The following MTSS1 variants were observed in gnomAD, a reference collection of about 807,000 sequenced individuals.
The protein encoded by MTSS1 is protein MTSS 1.
A neutral mutation model predicts 79.0 loss-of-function variants in MTSS1; 18 were observed. That is an observed-to-expected ratio of 0.23 (90% confidence interval 0.16 to 0.34). The LOEUF is 0.34. MTSS1 is among the 10% of genes least tolerant of loss of function. MTSS1 has a pLI of 1.00. For missense variants in MTSS1, 815 were observed against 986.2 expected, an observed-to-expected ratio of 0.83 and a Z score of 2.33; for synonymous variants, 341 against 368.6, an observed-to-expected ratio of 0.93 and a Z score of 0.86.
rs180777341 is a variant in MTSS1 at position 124,590,348 on chromosome 8, C to A, written c.294-637G>T. Among the ~76,000 whole-genome samples, 19 of 152,322 alleles carry A rather than the reference C, an allele frequency of 1.2e-4. No homozygotes were observed. In the East Asian group the frequency reaches 3.1e-3, roughly 25 times the overall value. On this transcript the variant is annotated intron_variant, in intron 4 of 13. Coordinates refer to ENST00000518547, the MANE Select transcript of MTSS1 (RefSeq NM_014751.6). ...AAGACACCTGGGCCTTATCTCACCC[C>A]CAATGGAGACTTTGAGGGTGGGGCC... is the stretch of plus-strand genomic sequence containing the variant.
intron 3 of MTSS1, among the ~76,000 whole-genome samples, chr8:124,606,177 T>G (rs1360804089): frequency 2.0e-5 from 3 of 148,402 alleles, no homozygotes; most frequent in Admixed American, 6.7e-5. Flanking sequence ...TTTTGTTTTT[T>G]TTTTTTTTTT....
At chr8:124,554,722 G>A (rs532824135) in intron 13 of MTSS1, among the ~76,000 whole-genome samples, 5 of 152,250 alleles carry the variant, frequency 3.3e-5, no homozygotes, top group Middle Eastern at 3.4e-3. Context: ...GAATATGAGC[G>A]AGTTATTGAG....
rs1826468851 is a variant in MTSS1, at chr8:124,683,535, G to C, written c.208+15991C>G. The stretch of plus-strand genomic sequence containing the variant: ...GAAACACAGGTGTCTCTCCAGACTA[G>C]AAAACCTCAACTGGAGGCCAGAGGT... On this transcript the variant is annotated intron_variant, in intron 3 of 13. Coordinates refer to ENST00000518547, the MANE Select transcript of MTSS1 (RefSeq NM_014751.6). This position sits in a 1 kb window ranked among gnomAD's most constrained non-coding sequence, Gnocchi z 4.5. Among the ~76,000 whole-genome samples, 1 of 152,306 alleles carries C rather than the reference G, an allele frequency of 6.6e-6. No homozygotes were observed. The highest frequency in any genetic ancestry group is 2.1e-4 in the South Asian group (1 of 4,834).
intron 10 of MTSS1, 58 bp from the exon 11 acceptor site, chr8:124,557,933 G>A (rs1586783140): frequency 2.2e-6 from 3 of 1,340,360 alleles, no homozygotes; most frequent in East Asian, 2.5e-5. Context: ...AACAGGATGA[G>A]TGCGGAGATA....
At chr8:124,708,131 C>A (rs1443167291) in intron 1 of MTSS1, among the ~76,000 whole-genome samples, 1 of 152,204 alleles carries the variant, frequency 6.6e-6, no homozygotes, top group South Asian at 2.1e-4. Context: ...AAAGATTGCA[C>A]GTACAGAAGC....
intron 11 of MTSS1, 30 bp downstream of exon 11, chr8:124,557,651 G>T (rs769165632): frequency 6.5e-7 from 1 of 1,533,348 alleles, no homozygotes. Flanking sequence ...AGGCAATGAC[G>T]GGGAGAGGAG....
chr8:124,709,080 G>C (rs544688538), intron 1 of MTSS1, among the ~76,000 whole-genome samples: 35 of 152,240 alleles, frequency 2.3e-4, no homozygotes, highest in African/African-American at 8.2e-4. Flanking sequence ...TTCAAGCTTA[G>C]AGGAAGTAAG....
intron 4 of MTSS1, among the ~76,000 whole-genome samples, chr8:124,590,243 T>G (rs753020419): frequency 2.0e-4 from 30 of 152,220 alleles, no homozygotes; most frequent in Admixed American, 3.9e-4. Context: ...GATATTCTAG[T>G]GTTTGTATTA....
chr8:124,645,320 G>A (rs143561449), intron 3 of MTSS1, among the ~76,000 whole-genome samples: 28 of 152,320 alleles, frequency 1.8e-4, no homozygotes, highest in African/African-American at 6.7e-4. Flanking sequence ...TTGAGCCCAA[G>A]AGGTTGCAGT....
chr8:124,585,385 T>C (rs1405784868), intron 5 of MTSS1, among the ~76,000 whole-genome samples: 1 of 151,926 alleles, frequency 6.6e-6, no homozygotes, highest in African/African-American at 2.4e-5. Flanking sequence ...TATTCACTCA[T>C]ACCAGCTTTG....
intron 4 of MTSS1, among the ~76,000 whole-genome samples, chr8:124,590,620 G>C (rs921539703): frequency 6.6e-6 from 1 of 152,180 alleles, no homozygotes; most frequent in African/African-American, 2.4e-5. Context: ...TGATCTGCTT[G>C]GAAAGCAATG....
intron 2 of MTSS1, among the ~76,000 whole-genome samples, chr8:124,701,550 C>T (rs1017342): frequency 0.37 from 55,803 of 152,060 alleles, 10,971 homozygotes; most frequent in East Asian, 0.5. Flanking sequence ...CTTCTTGGGA[C>T]TTATAAATAG....
intron 6 of MTSS1, among the ~76,000 whole-genome samples, chr8:124,578,199 G>A (rs750204483): frequency 1.8e-4 from 27 of 152,252 alleles, no homozygotes; most frequent in Middle Eastern, 3.4e-3. Flanking sequence ...TGAGTAGCCA[G>A]GGGTCACTAT....
chr8:124,609,331 C>A (rs969207524), intron 3 of MTSS1, among the ~76,000 whole-genome samples: 1 of 152,192 alleles, frequency 6.6e-6, no homozygotes, highest in Non-Finnish European at 1.5e-5. Context: ...GAAATGGCAA[C>A]CCCGGTCTAG....
chr8:124,602,504 A>T (rs1834114813), intron 3 of MTSS1, among the ~76,000 whole-genome samples: 1 of 152,018 alleles, frequency 6.6e-6, no homozygotes, highest in South Asian at 2.1e-4. Flanking sequence ...CCGGCCTCAT[A>T]ATGGTTTAAG....
At chr8:124,567,563 A>G in intron 7 of MTSS1, 1 of 1,316,014 alleles carries the variant, frequency 7.6e-7, no homozygotes. Flanking sequence ...CACGACTTGG[A>G]TATATTTTGG....
chr8:124,713,262 G>A (rs566415323), intron 1 of MTSS1, among the ~76,000 whole-genome samples: 4 of 152,266 alleles, frequency 2.6e-5, no homozygotes, highest in East Asian at 1.9e-4. Flanking sequence ...CACCACAACG[G>A]CACCCCTAAG....
At position 124,550,798 on chromosome 8, in the gene MTSS1, G is replaced by A. The variant is rs1822394071; in HGVS notation, c.*2194C>T. 6.6e-6 allele frequency: 1 copy of A among 152,460 alleles called. No homozygotes were observed. Among genetic ancestry groups the A allele is most frequent in the African/African-American group, 2.4e-5 (1 of 41,400 alleles). 9.4% of individuals were successfully genotyped at this position (152,460 alleles called of 1,614,324 possible). A position where few individuals can be genotyped will look rare whatever the true frequency, so the allele number is the denominator to read the frequency against. On this transcript the variant is annotated 3_prime_UTR_variant, in exon 14 of 14. Coordinates refer to ENST00000518547, the MANE Select transcript of MTSS1 (RefSeq NM_014751.6). Reference sequence around the variant, plus strand: ...AAATACAGGACTTTTTTAATCTAGTGGTTCTTTATTTATAACGTAGGCTGA... The same window carrying A: ...AAATACAGGACTTTTTTAATCTAGTAGTTCTTTATTTATAACGTAGGCTGA...
chr8:124,585,728 G>GA (rs1830748595), intron 5 of MTSS1, among the ~76,000 whole-genome samples: 1 of 151,794 alleles, frequency 6.6e-6, no homozygotes, highest in Non-Finnish European at 1.5e-5. Flanking sequence ...TAGTAAAAAT[G>GA]AAAAAAATTC....
Sources: gnomAD v4.1 joint callset for allele counts (sites outside exome capture counted in the v4.1 genomes callset) on GRCh38, gnomAD v4.1.1 for gene constraint, Gnocchi (gnomAD v3.1) non-coding constraint, MANE v1.5 for transcripts, NCBI Gene and HGNC (gene_info 2026-07-23, HGNC 2026-07-21) for gene names.